Variants in OSBPL9 observed in about 807,000 individuals in gnomAD.
OSBPL9 encodes the protein oxysterol binding protein like 9.
Under a neutral mutation model 106.6 loss-of-function variants are expected in OSBPL9, and 40 were observed. The ratio of observed to expected loss-of-function variants is 0.38; its 90% CI spans 0.29 to 0.49. The LOEUF is 0.49. Among genes scored for constraint, OSBPL9 ranks in the 20% least tolerant of loss-of-function variants. The pLI is 0.97. For missense variants in OSBPL9, 609 were observed against 887.2 expected (o/e 0.69, Z 3.98); for synonymous variants, 269 against 295.4 (o/e 0.91, Z 0.92).
chr1:51,601,983 C>G lies in OSBPL9; in HGVS notation c.-353+3790C>G, dbSNP rs115873791. Among the ~76,000 whole-genome samples the G allele has an allele frequency of 5.9e-3, 870 of 147,254 alleles. 5 individuals are homozygous for G. The highest frequency in any genetic ancestry group is 0.01 in the Non-Finnish European group (699 of 67,248). On this transcript the variant is annotated intron_variant, in intron 2 of 25. Transcript: ENST00000371714. ...TGGAATCCCGTCTGCCTGGCTGTCT[C>G]CCTCAGGCCAGTCAATTGTTCCATT... is the stretch of plus-strand genomic sequence containing the variant.
At chr1:51,736,320 C>T (rs899786611) in intron 4 of OSBPL9, among the ~76,000 whole-genome samples, 1 of 152,110 alleles carries the variant, frequency 6.6e-6, no homozygotes, top group Non-Finnish European at 1.5e-5. Context: ...ATTAGATATA[C>T]GAAGACAGCT....
intron 4 of OSBPL9, among the ~76,000 whole-genome samples, chr1:51,721,540 T>C (rs1662125975): frequency 6.6e-6 from 1 of 152,196 alleles, no homozygotes; most frequent in South Asian, 2.1e-4. Context: ...GAATCTTTAG[T>C]ATTGGGATGC....
rs564682743 is a variant in OSBPL9 at position 51,772,639 on chromosome 1, T to A, written c.1086T>A (p.Asp362Glu). The A allele has an allele frequency of 6.2e-7, 1 of 1,614,216 alleles. No homozygotes were observed. The highest frequency in any genetic ancestry group is 1.7e-5 in the Admixed American group (1 of 60,032). ...ATTCACATGATGACAGAGATGATGATGCGGAGGCAGGGTCTGTGGAGGAGC... is the reference window on the plus strand; with the variant it reads ...ATTCACATGATGACAGAGATGATGAAGCGGAGGCAGGGTCTGTGGAGGAGC... The part of the protein sequence containing the change: ...LFDSHDDRDD[D>E]AEAGSVEEHK... Residue 362 changes from aspartate to glutamate, a missense_variant, in exon 14 of 24, where the codon GAT becomes GAA. By Grantham distance (45) the Asp-to-Glu change is conservative (BLOSUM62 2). This residue lies in a region of OSBPL9 where 356 missense variants were observed against 505.8 expected (regional missense o/e 0.70). Coordinates refer to ENST00000428468, the MANE Select transcript of OSBPL9 (RefSeq NM_024586.6).
rs969880619 is a variant in OSBPL9, at chr1:51,786,337, A to G, written c.1909-189A>G. On this transcript the variant is annotated intron_variant, in intron 21 of 23. Coordinates refer to ENST00000428468, the MANE Select transcript of OSBPL9 (RefSeq NM_024586.6). ...TTAAGATAGACCTTTCCTTCAAAGA[A>G]CTTGCACTCTGTACTACTGCCCACT... The G allele has an allele frequency of 2.9e-4, 153 of 533,992 alleles. 3 individuals are homozygous for G. In the Middle Eastern group the frequency reaches 3.4e-3, roughly 12 times the overall value. 33.1% of individuals were successfully genotyped at this position (533,992 alleles called of 1,614,324 possible).
At chr1:51,550,232 A>G in the OSBPL9 span, among the ~76,000 whole-genome samples, 22 of 152,352 alleles carry the variant, frequency 1.4e-4, 1 homozygote, top group South Asian at 4.6e-3. Flanking sequence ...TTTCTAATCT[A>G]TAAAGAGCTA....
At chr1:51,616,921 C>T (rs1644072286), upstream of OSBPL9, 1 of 1,004,058 alleles carries the variant, frequency 1.0e-6, no homozygotes, top group South Asian at 1.7e-5. Flanking sequence ...TTCTCGCATC[C>T]GTGGCATGGA....
chr1:51,761,847 T>C lies in OSBPL9; in HGVS notation c.674-20T>C. 6.4e-7 allele frequency: 1 copy of C among 1,559,070 alleles called. No homozygotes were observed. The highest frequency in any genetic ancestry group is 8.8e-7 in the Non-Finnish European group (1 of 1,130,406). On this transcript the variant is annotated intron_variant, in intron 10 of 23. Coordinates refer to ENST00000428468, the MANE Select transcript of OSBPL9 (RefSeq NM_024586.6). The stretch of plus-strand genomic sequence containing the variant: ...GTTTGGCTGTTTCTGTACCTTATTT[T>C]ATACGTTCAAATCTCCTAGAACCTG...
intron 1 of OSBPL9, among the ~76,000 whole-genome samples, chr1:51,627,512 C>A (rs1434910314): frequency 1.3e-5 from 2 of 152,100 alleles, no homozygotes; most frequent in Non-Finnish European, 2.9e-5. Context: ...GTACTTACGC[C>A]TGTACTATAC....
intron 2 of OSBPL9, among the ~76,000 whole-genome samples, chr1:51,604,609 G>T (rs1396116493): frequency 1.3e-5 from 2 of 152,076 alleles, no homozygotes; most frequent in African/African-American, 4.8e-5. Flanking sequence ...TACACTAAAG[G>T]GATTAGCAAA....
chr1:51,651,677 T>C (rs558049620), intron 1 of OSBPL9, among the ~76,000 whole-genome samples: 1 of 152,204 alleles, frequency 6.6e-6, no homozygotes, highest in African/African-American at 2.4e-5. Flanking sequence ...TTCTAGGTGG[T>C]TCTCTGACTC....
the OSBPL9 span, chr1:51,538,607 A>G: frequency 1.1e-4 from 17 of 152,322 alleles, no homozygotes; most frequent in African/African-American, 4.1e-4. Flanking sequence ...ATTGTCACAA[A>G]ATTAAAATCT....
intron 7 of OSBPL9, among the ~76,000 whole-genome samples, chr1:51,748,815 G>A (rs1336454420): frequency 6.6e-6 from 1 of 152,030 alleles, no homozygotes; most frequent in Non-Finnish European, 1.5e-5. Context: ...GCCGGGCGCG[G>A]TGGCTCACAC....
Position 51,659,992 on chromosome 1 carries a change from C to T in OSBPL9, c.162+7951C>T, listed in dbSNP as rs115851521. 3.7e-3 allele frequency among the ~76,000 whole-genome samples: 558 copies of T among 151,876 alleles called. 4 individuals carry two copies. The highest frequency in any genetic ancestry group is 0.012 in the African/African-American group (500 of 41,382). On this transcript the variant is annotated intron_variant, in intron 2 of 23. Transcript: ENST00000428468. Reference sequence around the variant, plus strand: ...GTTATAAGAGACAGAAATAGATTAGCGGAATGGAAGAGAAAGCTGAAAAAC... The same window carrying T: ...GTTATAAGAGACAGAAATAGATTAGTGGAATGGAAGAGAAAGCTGAAAAAC...
intron 2 of OSBPL9, among the ~76,000 whole-genome samples, chr1:51,608,679 G>GT (rs935495519): frequency 5.4e-5 from 6 of 110,862 alleles, no homozygotes; most frequent in Non-Finnish European, 1.0e-4. Context: ...TCCTGGATTG[G>GT]GGGGGGGGGC....
chr1:51,670,689 A>G (rs1649661020), intron 3 of OSBPL9, among the ~76,000 whole-genome samples: 1 of 152,260 alleles, frequency 6.6e-6, no homozygotes. Context: ...TAATTTATTC[A>G]GAGCTGCTTT....
chr1:51,596,946 C>G (rs986494505), intron 1 of OSBPL9, among the ~76,000 whole-genome samples: 2 of 152,138 alleles, frequency 1.3e-5, no homozygotes, highest in African/African-American at 4.8e-5. Context: ...AGCAATAAAA[C>G]AAGGCAATGA....
the OSBPL9 span, among the ~76,000 whole-genome samples, chr1:51,554,180 A>T: frequency 2.0e-5 from 3 of 152,234 alleles, no homozygotes; most frequent in Non-Finnish European, 4.4e-5. Flanking sequence ...ATATAAATAC[A>T]TATACATACA....
At chr1:51,524,747 C>T in the OSBPL9 span, among the ~76,000 whole-genome samples, 6 of 152,182 alleles carry the variant, frequency 3.9e-5, no homozygotes, top group African/African-American at 1.4e-4. Flanking sequence ...CCATTGGCTT[C>T]TAGTGAGAAA....
chr1:51,607,971 C>T (rs1386353100), intron 2 of OSBPL9, among the ~76,000 whole-genome samples: 1 of 152,200 alleles, frequency 6.6e-6, no homozygotes, highest in East Asian at 1.9e-4. Context: ...GGACTTGCAT[C>T]TCTCCTCTCT....
Sources: allele counts gnomAD v4.1 joint callset (sites outside exome capture counted in the v4.1 genomes callset), GRCh38; gene constraint gnomAD v4.1.1; regional missense constraint gnomAD v4.1.1; transcripts MANE v1.5; gene names NCBI Gene and HGNC (gene_info 2026-07-23, HGNC 2026-07-21).